Variants in SOX6 observed in about 807,000 individuals in gnomAD.
The protein encoded by SOX6 is transcription factor SOX-6.
In SOX6, 11 loss-of-function variants were observed where a neutral mutation model predicts 97.8. The observed-to-expected ratio is 0.11, with a 90% CI of 0.07 to 0.19. The LOEUF (loss-of-function observed/expected upper bound fraction) is 0.19. Among genes scored for constraint, SOX6 ranks in the 10% least tolerant of loss-of-function variants. The pLI, the probability that SOX6 is intolerant of heterozygous loss-of-function variation, is 1.00. For synonymous variants in SOX6, 360 were observed against 371.4 expected (o/e 0.97, Z 0.35); for missense variants, 810 against 1,039.5 (o/e 0.78, Z 3.04).
At chr11:16,335,541 G>A (rs1351555375) in intron 2 of SOX6, among the ~76,000 whole-genome samples, 1 of 152,088 alleles carries the variant, frequency 6.6e-6, no homozygotes, top group Non-Finnish European at 1.5e-5. Context: ...ATTTCATTTT[G>A]GTGCTGCCTA....
chr11:16,097,043 C>G (rs1316508750), intron 8 of SOX6, among the ~76,000 whole-genome samples: 2 of 151,718 alleles, frequency 1.3e-5, no homozygotes, highest in Non-Finnish European at 2.9e-5. Context: ...AAAACACTTT[C>G]CCCCCAAGTT....
chr11:16,661,123 A>T (rs894876338), intron 3 of SOX6, among the ~76,000 whole-genome samples: 1 of 152,190 alleles, frequency 6.6e-6, no homozygotes, highest in Non-Finnish European at 1.5e-5. Flanking sequence ...ATGCAATTTG[A>T]CACTTTGTTA....
At chr11:16,229,304 C>T (rs1852779545) in intron 4 of SOX6, among the ~76,000 whole-genome samples, 1 of 151,878 alleles carries the variant, frequency 6.6e-6, no homozygotes, top group South Asian at 2.1e-4. Flanking sequence ...GAAATATATT[C>T]ATAGCCAAAA....
chr11:16,180,611 G>A (rs951657756), intron 6 of SOX6, among the ~76,000 whole-genome samples: 13 of 151,646 alleles, frequency 8.6e-5, no homozygotes, highest in Admixed American at 4.6e-4. Flanking sequence ...AACATTCTCC[G>A]AAAAGACCTA....
chr11:16,682,706 C>T (rs1186913005), intron 3 of SOX6, among the ~76,000 whole-genome samples: 1 of 152,216 alleles, frequency 6.6e-6, no homozygotes, highest in Non-Finnish European at 1.5e-5. Context: ...CCCATCACTC[C>T]TCTTCAGCAT....
intron 4 of SOX6, among the ~76,000 whole-genome samples, chr11:16,568,825 T>C (rs1201073377): frequency 6.6e-6 from 1 of 152,212 alleles, no homozygotes; most frequent in African/African-American, 2.4e-5. Context: ...CCTTTTACAC[T>C]GTCCACCCTT....
chr11:16,328,129 G>A lies in SOX6; in HGVS notation c.238-9476C>T, dbSNP rs1451793254. Among the ~76,000 whole-genome samples, 8 of 151,956 alleles carry A rather than the reference G, an allele frequency of 5.3e-5. No homozygotes were observed. In the South Asian group the frequency reaches 6.2e-4, roughly 12 times the overall value. Reference sequence around the variant, plus strand: ...CCAATCATAGATTTGCCCTGGTTTCGGACGACACTCAATCTACAACAAACT... The same window carrying A: ...CCAATCATAGATTTGCCCTGGTTTCAGACGACACTCAATCTACAACAAACT... On this transcript the variant is annotated intron_variant, in intron 2 of 15. Coordinates refer to ENST00000683767, the MANE Select transcript of SOX6 (RefSeq NM_001367873.1).
At chr11:16,097,039 C>A (rs1848814335) in intron 8 of SOX6, among the ~76,000 whole-genome samples, 1 of 151,798 alleles carries the variant, frequency 6.6e-6, no homozygotes, top group Non-Finnish European at 1.5e-5. Flanking sequence ...TTCCAAAACA[C>A]TTTCCCCCCA....
intron 3 of SOX6, among the ~76,000 whole-genome samples, chr11:16,700,743 A>G (rs925477236): frequency 1.3e-5 from 2 of 152,210 alleles, no homozygotes; most frequent in Non-Finnish European, 2.9e-5. Context: ...CTAGACTCCA[A>G]TAACACTATT....
chr11:16,255,943 T>C (rs945996241), intron 3 of SOX6, among the ~76,000 whole-genome samples: 1 of 151,804 alleles, frequency 6.6e-6, no homozygotes, highest in Non-Finnish European at 1.5e-5. Context: ...AACAACTCCA[T>C]AGCCACAAAC....
chr11:16,275,886 T>C (rs1854385228), intron 3 of SOX6, among the ~76,000 whole-genome samples: 1 of 152,208 alleles, frequency 6.6e-6, no homozygotes, highest in Non-Finnish European at 1.5e-5. Context: ...AATAGATTCA[T>C]ATTGTAATAT....
At chr11:16,070,085 G>A (rs903635219) in intron 9 of SOX6, among the ~76,000 whole-genome samples, 3 of 152,162 alleles carry the variant, frequency 2.0e-5, no homozygotes, top group Admixed American at 2.0e-4. Flanking sequence ...AACCTGGGAG[G>A]CGGAGCTTGC....
At chr11:16,042,068 A>C (rs986810901) in intron 12 of SOX6, among the ~76,000 whole-genome samples, 2 of 152,206 alleles carry the variant, frequency 1.3e-5, no homozygotes, top group African/African-American at 4.8e-5. Context: ...CTTTTCTTCA[A>C]AACATCCCTT....
intron 3 of SOX6, among the ~76,000 whole-genome samples, chr11:16,657,975 T>A (rs1847736386): frequency 6.6e-6 from 1 of 152,254 alleles, no homozygotes; most frequent in Admixed American, 6.5e-5. Context: ...TATTCCATTA[T>A]TTCCCTGATG....
At chr11:16,641,306 G>C (rs1271611523) in intron 3 of SOX6, among the ~76,000 whole-genome samples, 2 of 152,164 alleles carry the variant, frequency 1.3e-5, no homozygotes, top group East Asian at 3.8e-4. Flanking sequence ...TTTTGCATTT[G>C]CCGAGGAGTG....
intron 4 of SOX6, among the ~76,000 whole-genome samples, chr11:16,197,007 T>A (rs968701670): frequency 6.6e-6 from 1 of 151,896 alleles, no homozygotes; most frequent in African/African-American, 2.4e-5. Context: ...CTAATTTTTG[T>A]ATATTTAGTA....
intron 4 of SOX6, among the ~76,000 whole-genome samples, chr11:16,524,298 T>C (rs1193272709): frequency 6.6e-6 from 1 of 151,376 alleles, no homozygotes; most frequent in Non-Finnish European, 1.5e-5. Flanking sequence ...GTGGGCTTCA[T>C]CCCTGGGATG....
intron 3 of SOX6, among the ~76,000 whole-genome samples, chr11:16,672,070 A>G (rs1172378696): frequency 6.6e-6 from 1 of 152,240 alleles, no homozygotes; most frequent in Non-Finnish European, 1.5e-5. Context: ...TGAAGGAGAA[A>G]TAAGATCCTT....
chr11:16,149,827 G>T (rs1850413182), intron 6 of SOX6, among the ~76,000 whole-genome samples: 1 of 152,126 alleles, frequency 6.6e-6, no homozygotes, highest in Admixed American at 6.6e-5. Context: ...TTAGCTAACT[G>T]GTGTTAATGA....
Sources: gnomAD v4.1 joint callset for allele counts (sites outside exome capture counted in the v4.1 genomes callset) on GRCh38, gnomAD v4.1.1 for gene constraint, MANE v1.5 for transcripts, NCBI Gene and HGNC (gene_info 2026-07-23, HGNC 2026-07-21) for gene names.